Variants in SNX29 observed in about 807,000 individuals in gnomAD.
SNX29 encodes the protein sorting nexin 29, also known as sorting nexin-29.
SNX29 carries 78 observed loss-of-function variants against 102.1 expected under a neutral mutation model. That is an observed-to-expected ratio of 0.76 (90% CI 0.64 to 0.92). The LOEUF is 0.92. Among genes scored for constraint, SNX29 ranks in the 40% least tolerant of loss-of-function variants. SNX29 has a pLI of 0.00. For synonymous variants in SNX29, 580 were observed against 414.5 expected, an observed-to-expected ratio of 1.40 and a Z score of -4.85; for missense variants, 1,280 against 1,061.7, an observed-to-expected ratio of 1.21 and a Z score of -2.86.
chr16:12,291,013 G>A (rs1213544753), intron 15 of SNX29, among the ~76,000 whole-genome samples: 2 of 152,140 alleles, frequency 1.3e-5, no homozygotes, highest in Non-Finnish European at 1.5e-5. Context: ...CCACTGAGTC[G>A]AGCCTGTCGT....
intron 9 of SNX29, among the ~76,000 whole-genome samples, chr16:12,062,807 C>G (rs992541947): frequency 6.6e-6 from 1 of 152,140 alleles, no homozygotes; most frequent in African/African-American, 2.4e-5. Flanking sequence ...GGAGCATAAA[C>G]CTACTCAAAC....
chr16:12,219,830 A>G (rs1464965286), intron 14 of SNX29, among the ~76,000 whole-genome samples: 4 of 152,202 alleles, frequency 2.6e-5, no homozygotes, highest in Non-Finnish European at 5.9e-5. Flanking sequence ...CTCTTGGCCA[A>G]GCCACCTTAT....
At chr16:12,436,269 A>G (rs2085535035) in intron 18 of SNX29, among the ~76,000 whole-genome samples, 1 of 152,120 alleles carries the variant, frequency 6.6e-6, no homozygotes, top group East Asian at 1.9e-4. Flanking sequence ...CTGGCTCTCC[A>G]CAGGAGGCCG....
intron 13 of SNX29, among the ~76,000 whole-genome samples, chr16:12,144,845 C>T (rs1341697615): frequency 6.6e-6 from 1 of 152,198 alleles, no homozygotes; most frequent in Non-Finnish European, 1.5e-5. Flanking sequence ...CCTCAGCCTC[C>T]CCAGTAGCTG....
At chr16:12,559,439 C>T (rs531353266) in intron 20 of SNX29, among the ~76,000 whole-genome samples, 1 of 151,250 alleles carries the variant, frequency 6.6e-6, no homozygotes, top group Non-Finnish European at 1.5e-5. Context: ...GCTCAGGGCT[C>T]CCAATGATTC....
At chr16:12,261,806 G>A (rs1319008524) in intron 14 of SNX29, among the ~76,000 whole-genome samples, 1 of 136,842 alleles carries the variant, frequency 7.3e-6, no homozygotes, top group Non-Finnish European at 1.5e-5. Context: ...GTCTGTGCAC[G>A]TGTCCCCGGC....
chr16:12,142,793 C>T (rs2054912476), intron 13 of SNX29, among the ~76,000 whole-genome samples: 1 of 151,922 alleles, frequency 6.6e-6, no homozygotes, highest in Admixed American at 6.6e-5. Context: ...AAACTCCTGA[C>T]CTCAGGTGAC....
At chr16:12,027,101 C>A (rs1406016739) in intron 3 of SNX29, among the ~76,000 whole-genome samples, 1 of 152,170 alleles carries the variant, frequency 6.6e-6, no homozygotes, top group African/African-American at 2.4e-5. Context: ...TATGGGTAGA[C>A]TGTGCTGGGC....
intron 13 of SNX29, among the ~76,000 whole-genome samples, chr16:12,190,259 T>A (rs2076608948): frequency 6.6e-6 from 1 of 152,140 alleles, no homozygotes; most frequent in African/African-American, 2.4e-5. Context: ...CACTCCTGAT[T>A]GACCTTGGCC....
intron 11 of SNX29, among the ~76,000 whole-genome samples, chr16:12,094,154 G>A (rs985002461): frequency 5.3e-5 from 8 of 152,162 alleles, no homozygotes; most frequent in Non-Finnish European, 2.9e-5. Context: ...GTACCCCTCT[G>A]ACACAGTTGT....
intron 20 of SNX29, among the ~76,000 whole-genome samples, chr16:12,533,300 C>T (rs770495502): frequency 6.6e-6 from 1 of 152,232 alleles, no homozygotes; most frequent in Non-Finnish European, 1.5e-5. Flanking sequence ...AAAGTCAGCC[C>T]TAGTCACTGT....
chr16:12,281,275 C>T (rs923558667), intron 15 of SNX29, among the ~76,000 whole-genome samples: 1 of 152,080 alleles, frequency 6.6e-6, no homozygotes, highest in Admixed American at 6.5e-5. Context: ...CATCCCAGTG[C>T]GAAGGGAGTT....
intron 19 of SNX29, among the ~76,000 whole-genome samples, chr16:12,501,724 CAAAAAAAAA>C (rs59431064): frequency 6.7e-5 from 3 of 44,916 alleles, no homozygotes; most frequent in Non-Finnish European, 9.3e-5. Flanking sequence ...GACACTGTCT[CAAAAAAAAA>C]AAAAAAAAAA....
At chr16:12,319,884 C>G (rs543662648) in intron 15 of SNX29, among the ~76,000 whole-genome samples, 72 of 152,242 alleles carry the variant, frequency 4.7e-4, no homozygotes, top group African/African-American at 1.3e-3. Context: ...AAGAACTGCT[C>G]GGGCTCAGCC....
chr16:12,114,849 T>A (rs1313487028), intron 11 of SNX29, among the ~76,000 whole-genome samples: 1 of 152,148 alleles, frequency 6.6e-6, no homozygotes, highest in Non-Finnish European at 1.5e-5. Flanking sequence ...GCAAATCACT[T>A]CATATGTCTC....
intron 20 of SNX29, among the ~76,000 whole-genome samples, chr16:12,535,915 A>G (rs954262366): frequency 6.6e-6 from 1 of 152,218 alleles, no homozygotes; most frequent in Non-Finnish European, 1.5e-5. Context: ...AATTGAAGAA[A>G]GGGCTAGAAA....
At chr16:12,506,471 C>T (rs2089384305) in intron 19 of SNX29, among the ~76,000 whole-genome samples, 1 of 152,086 alleles carries the variant, frequency 6.6e-6, no homozygotes, top group Non-Finnish European at 1.5e-5. Context: ...GCTGGACAGG[C>T]AAGAGTTAGA....
rs747366853 is a variant in SNX29 at position 12,027,292 on chromosome 16, G to A, written c.123-28G>A. The A allele has an allele frequency of 3.1e-6, 5 of 1,612,192 alleles. No homozygotes were observed. The Admixed American group carries it at 6.7e-5, about 22-fold the overall frequency. On this transcript the variant is annotated intron_variant, in intron 3 of 20. Coordinates refer to ENST00000566228, the MANE Select transcript of SNX29 (RefSeq NM_032167.5). ...TAGTTGCTACTCCCTTTTCTGGGGG[G>A]ACTGATGAGTCATTGGTTTTCTCAC...
intron 20 of SNX29, among the ~76,000 whole-genome samples, chr16:12,565,708 G>GCA (rs2078973664): frequency 6.6e-6 from 1 of 152,176 alleles, no homozygotes; most frequent in African/African-American, 2.4e-5. Context: ...GAAGCAGCTG[G>GCA]GCCGGGTCTG....
Sources: allele counts gnomAD v4.1 joint callset (sites outside exome capture counted in the v4.1 genomes callset), GRCh38; gene constraint gnomAD v4.1.1; transcripts MANE v1.5; gene names NCBI Gene and HGNC (gene_info 2026-07-23, HGNC 2026-07-21).